The following PPFIA2 variants were observed in gnomAD, a reference collection of about 807,000 sequenced individuals.
PPFIA2 encodes the protein PPFI scaffold protein A2, also known as liprin-alpha-2.
PPFIA2 carries 46 observed loss-of-function variants against 175.5 expected under a neutral mutation model. That is an observed-to-expected ratio of 0.26 (90% CI 0.21 to 0.34). The LOEUF (loss-of-function observed/expected upper bound fraction) is 0.34, where lower values mean the gene tolerates loss of function less well. Among genes scored for constraint, PPFIA2 ranks in the 10% least tolerant of loss-of-function variants. The pLI is 1.00. For missense variants in PPFIA2, 1,179 were observed against 1,506.1 expected, an observed-to-expected ratio of 0.78 and a Z score of 3.60; for synonymous variants, 568 against 511.4, an observed-to-expected ratio of 1.11 and a Z score of -1.49.
At chr12:81,297,951 T>C (rs778985782) in intron 23 of PPFIA2, 3 of 152,224 alleles carry the variant, frequency 2.0e-5, no homozygotes, top group African/African-American at 4.8e-5. Flanking sequence ...TTAGGAATCA[T>C]AGGCAATTTC....
chr12:81,627,231 G>A lies in PPFIA2; in HGVS notation c.303+49560C>T, dbSNP rs116806656. ...AATCCAAAGTTTGGTAGTACAATAG[G>A]GTAACTGTGGTTAACAATAAGTTAT... On this transcript the variant is annotated intron_variant, in intron 4 of 32. Coordinates refer to ENST00000549396, the MANE Select transcript of PPFIA2 (RefSeq NM_003625.5). Among the ~76,000 whole-genome samples, 667 of 152,002 alleles carry A rather than the reference G, an allele frequency of 4.4e-3. 5 individuals are homozygous for A. Among genetic ancestry groups the A allele is most frequent in the African/African-American group, 0.015 (635 of 41,476 alleles).
intron 7 of PPFIA2, among the ~76,000 whole-genome samples, chr12:81,425,357 T>C (rs752526415): frequency 6.6e-5 from 10 of 152,246 alleles, no homozygotes; most frequent in South Asian, 2.1e-4. Flanking sequence ...TTATTTATTC[T>C]TTTTTGAGAT....
Position 81,747,110 on chromosome 12 carries a change from C to T in PPFIA2, c.249+6863G>A, listed in dbSNP as rs923620363. Among the ~76,000 whole-genome samples the T allele has an allele frequency of 3.5e-5, 5 of 143,370 alleles. 1 individual carries two copies. The highest frequency in any genetic ancestry group is 7.8e-5 in the Non-Finnish European group (5 of 64,064). 94.1% of individuals were successfully genotyped at this position (143,370 alleles called of 152,430 possible). On this transcript the variant is annotated intron_variant, in intron 3 of 32. Transcript: ENST00000549396. ...AAGAAGCAATGAGCAATACAGAAAG[C>T]AAGCAGATATTTTATTTGGCCAAAA... is the stretch of plus-strand genomic sequence containing the variant.
At chr12:81,319,086 T>G (rs924915641) in intron 22 of PPFIA2, among the ~76,000 whole-genome samples, 2 of 151,726 alleles carry the variant, frequency 1.3e-5, no homozygotes, top group Non-Finnish European at 3.0e-5. Context: ...TTTATTTTAC[T>G]CTTTCCAGAT....
intron 5 of PPFIA2, among the ~76,000 whole-genome samples, chr12:81,450,964 G>T (rs1041425459): frequency 6.6e-6 from 1 of 152,082 alleles, no homozygotes; most frequent in African/African-American, 2.4e-5. Context: ...ATAGAAATAA[G>T]ATAGAGTTTC....
chr12:81,720,075 G>A (rs1437734618), intron 3 of PPFIA2, among the ~76,000 whole-genome samples: 1 of 151,294 alleles, frequency 6.6e-6, no homozygotes, highest in Non-Finnish European at 1.5e-5. Context: ...ACATAGTCTG[G>A]CATTCCCTAC....
At chr12:81,752,061 A>T (rs1195462119) in intron 3 of PPFIA2, among the ~76,000 whole-genome samples, 1 of 152,224 alleles carries the variant, frequency 6.6e-6, no homozygotes, top group Non-Finnish European at 1.5e-5. Context: ...TCTTACATGT[A>T]GGATCAGAAT....
At chr12:81,471,150 T>G (rs2056658203) in intron 4 of PPFIA2, 1 of 133,606 alleles carries the variant, frequency 7.5e-6, no homozygotes, top group Admixed American at 7.6e-5. Flanking sequence ...TTTATTTATT[T>G]ATTTGAGACA....
At chr12:81,694,792 A>T (rs566834570) in intron 3 of PPFIA2, among the ~76,000 whole-genome samples, 1 of 152,314 alleles carries the variant, frequency 6.6e-6, no homozygotes, top group African/African-American at 2.4e-5. Context: ...CAGGCATTCA[A>T]CAACCTGTGA....
At chr12:81,540,178 A>C (rs1381445838) in intron 4 of PPFIA2, among the ~76,000 whole-genome samples, 3 of 152,066 alleles carry the variant, frequency 2.0e-5, no homozygotes, top group Non-Finnish European at 4.4e-5. Flanking sequence ...ATCAAAGCAA[A>C]CAAACCAAAA....
intron 17 of PPFIA2, among the ~76,000 whole-genome samples, chr12:81,351,738 TAA>T (rs780957364): frequency 2.3e-4 from 21 of 92,298 alleles, no homozygotes; most frequent in African/African-American, 3.0e-4. Flanking sequence ...TACAAAAAAT[TAA>T]AAAAAAAAAA....
chr12:81,280,327 C>T (rs1384509328), intron 27 of PPFIA2, among the ~76,000 whole-genome samples: 4 of 152,106 alleles, frequency 2.6e-5, no homozygotes, highest in South Asian at 2.1e-4. Flanking sequence ...TTTATCTTTA[C>T]CACATTTAAT....
chr12:81,567,625 G>A (rs7308980), intron 4 of PPFIA2, among the ~76,000 whole-genome samples: 92,197 of 151,930 alleles, frequency 0.61, 28,539 homozygotes, highest in East Asian at 0.78. Context: ...TAAAACTCCA[G>A]TGAAAACTTT....
intron 4 of PPFIA2, among the ~76,000 whole-genome samples, chr12:81,599,677 A>AT (rs1212553266): frequency 6.6e-6 from 1 of 151,932 alleles, no homozygotes; most frequent in African/African-American, 2.4e-5. Context: ...CTTTACTTGG[A>AT]TTTTACTAGT....
At chr12:81,352,220 T>G (rs2060132498) in intron 17 of PPFIA2, among the ~76,000 whole-genome samples, 3 of 151,922 alleles carry the variant, frequency 2.0e-5, no homozygotes, top group Admixed American at 6.6e-5. Context: ...TAGTAAAGGC[T>G]CTCAGATCCC....
chr12:81,422,196 T>G (rs2046400808), intron 7 of PPFIA2, among the ~76,000 whole-genome samples: 1 of 150,472 alleles, frequency 6.6e-6, no homozygotes, highest in African/African-American at 2.4e-5. Context: ...AGATCTCAGA[T>G]GAAAACGAGA....
At chr12:81,616,348 G>A (rs570431163) in intron 4 of PPFIA2, among the ~76,000 whole-genome samples, 143 of 152,074 alleles carry the variant, frequency 9.4e-4, no homozygotes, top group East Asian at 7.7e-4. Context: ...TTATGCTGAT[G>A]GTCTCTTCTA....
intron 7 of PPFIA2, among the ~76,000 whole-genome samples, chr12:81,409,914 G>A (rs1272228741): frequency 6.6e-6 from 1 of 152,110 alleles, no homozygotes; most frequent in Non-Finnish European, 1.5e-5. Flanking sequence ...GCTATGGTTT[G>A]AATATATGCC....
intron 22 of PPFIA2, among the ~76,000 whole-genome samples, chr12:81,309,684 T>C (rs2050234184): frequency 6.6e-6 from 1 of 152,114 alleles, no homozygotes; most frequent in Admixed American, 6.5e-5. Context: ...TTTCATTACA[T>C]TGGAACTAAA....
Sources: gnomAD v4.1 joint callset for allele counts (sites outside exome capture counted in the v4.1 genomes callset) on GRCh38, gnomAD v4.1.1 for gene constraint, MANE v1.5 for transcripts, NCBI Gene and HGNC (gene_info 2026-07-23, HGNC 2026-07-21) for gene names.